KATNIP: variants seen among roughly 807,000 people sequenced by gnomAD.
The protein encoded by KATNIP is katanin interacting protein, also known as katanin-interacting protein.
Under a neutral mutation model 174.0 loss-of-function variants are expected in KATNIP, and 126 were observed. The observed-to-expected ratio is 0.72, with a 90% CI of 0.63 to 0.84. KATNIP has a LOEUF of 0.84. Ranked by LOEUF, KATNIP falls within the 40% of genes least tolerant of loss-of-function variation. The pLI, the probability that KATNIP is intolerant of heterozygous loss-of-function variation, is 0.00. For synonymous variants in KATNIP, 810 were observed against 835.7 expected, an observed-to-expected ratio of 0.97 and a Z score of 0.53; for missense variants, 1,958 against 2,109.7, an observed-to-expected ratio of 0.93 and a Z score of 1.41.
intron 1 of KATNIP, among the ~76,000 whole-genome samples, chr16:27,564,776 C>G: frequency 6.6e-6 from 1 of 151,580 alleles, no homozygotes; most frequent in East Asian, 2.0e-4. Context: ...TGCTTGCTTG[C>G]TTTTTTTTGA....
intron 16 of KATNIP, 28 bp from the exon 17 acceptor site, chr16:27,751,691 C>A (rs768565867): frequency 6.2e-7 from 1 of 1,608,944 alleles, no homozygotes; most frequent in Admixed American, 1.7e-5. Flanking sequence ...AGTGAGTTGA[C>A]CTTTCTGTCA....
intron 6 of KATNIP, among the ~76,000 whole-genome samples, chr16:27,675,816 CCT>C (rs1305992779): frequency 6.6e-6 from 1 of 152,110 alleles, no homozygotes; most frequent in East Asian, 1.9e-4. Context: ...ACAAGGGACT[CCT>C]CTGCAAATCT....
At chr16:27,747,468 G>C (rs530019632) in intron 15 of KATNIP, among the ~76,000 whole-genome samples, 1 of 152,076 alleles carries the variant, frequency 6.6e-6, no homozygotes, top group Non-Finnish European at 1.5e-5. Context: ...TCGTGTTCTC[G>C]GTGTTGGCTT....
intron 5 of KATNIP, among the ~76,000 whole-genome samples, chr16:27,645,897 A>G (rs758671665): frequency 1.6e-4 from 25 of 152,164 alleles, no homozygotes; most frequent in Admixed American, 3.9e-4. Context: ...CCCTAGCTGC[A>G]AGGGCCCCCA....
intron 4 of KATNIP, among the ~76,000 whole-genome samples, chr16:27,630,444 G>A (rs1033840271): frequency 1.3e-5 from 2 of 152,202 alleles, no homozygotes; most frequent in Admixed American, 1.3e-4. Flanking sequence ...GGCAAGAAGA[G>A]AAAATGATTC....
intron 3 of KATNIP, among the ~76,000 whole-genome samples, chr16:27,621,684 C>T (rs146691867): frequency 5.9e-5 from 9 of 151,438 alleles, no homozygotes; most frequent in Non-Finnish European, 1.0e-4. Context: ...ATGGTGCCGC[C>T]ATCTGCTTGG....
rs192915313 is a variant in KATNIP at position 27,664,699 on chromosome 16, C to A, written c.541-13030C>A. 1.9e-4 allele frequency among the ~76,000 whole-genome samples: 29 copies of A among 152,288 alleles called. 1 individual carries two copies. The East Asian group carries it at 4.6e-3, about 24-fold the overall frequency. On this transcript the variant is annotated intron_variant, in intron 6 of 27. Coordinates refer to ENST00000261588, the MANE Select transcript of KATNIP (RefSeq NM_015202.5). The stretch of plus-strand genomic sequence containing the variant: ...GCATTTGTTTTTGCCTTATATATTT[C>A]AAATATCTGTCATTCTTTGCATATA...
chr16:27,677,627 A>G, intron 6 of KATNIP, 102 bp from the exon 7 acceptor site: 1 of 1,188,972 alleles, frequency 8.4e-7, no homozygotes, highest in Non-Finnish European at 1.2e-6. Flanking sequence ...GTTAAATGTT[A>G]GTTTGGGGAG....
intron 1 of KATNIP, among the ~76,000 whole-genome samples, chr16:27,557,879 G>A (rs913115252): frequency 6.6e-6 from 1 of 152,136 alleles, no homozygotes; most frequent in South Asian, 2.1e-4. Context: ...CCTGATTGTG[G>A]TATTTTCTTG....
Position 27,751,798 on chromosome 16 carries a change from G to GT in KATNIP, c.3429dup (p.Asp1144Ter), listed in dbSNP as rs1382611424. ...AGGCCATATTCTATTCTGATGAGAT[G>GT]TTTGACCTGGATGTGGGGAGCCTGG... On this transcript the variant is annotated frameshift_variant, in exon 17 of 28. Transcript: ENST00000261588. LOFTEE classifies it high-confidence loss of function. 6.2e-7 allele frequency: 1 copy of GT among 1,614,112 alleles called. No individual in the cohort carries two copies. Among genetic ancestry groups the GT allele is most frequent in the African/African-American group, 1.3e-5 (1 of 74,940 alleles).
intron 19 of KATNIP, 120 bp from the exon 20 acceptor site, chr16:27,766,189 A>G (rs1200571263): frequency 5.9e-6 from 6 of 1,015,644 alleles, no homozygotes; most frequent in Non-Finnish European, 8.7e-6. Context: ...CAAGCCTGAC[A>G]CAGCCAGGCT....
At chr16:27,750,419 CT>C (rs369243500) in intron 16 of KATNIP, 113 bp downstream of exon 16, 127,630 of 651,198 alleles carry the variant, frequency 0.2, 148 homozygotes, top group East Asian at 0.24. Context: ...CTTTCTCTTT[CT>C]TTTTTTTTTT....
chr16:27,594,668 G>C (rs2075284642), intron 2 of KATNIP, among the ~76,000 whole-genome samples: 1 of 152,052 alleles, frequency 6.6e-6, no homozygotes, highest in African/African-American at 2.4e-5. Context: ...GCCTAGGCTG[G>C]TCTTGAACAC....
intron 21 of KATNIP, among the ~76,000 whole-genome samples, chr16:27,771,126 G>C (rs117970976): frequency 3.3e-5 from 5 of 152,154 alleles, no homozygotes; most frequent in Admixed American, 1.3e-4. Flanking sequence ...CCTGGCTGTC[G>C]GCACAGCGTG....
chr16:27,622,362 T>C (rs2076221646), intron 3 of KATNIP, among the ~76,000 whole-genome samples: 1 of 152,152 alleles, frequency 6.6e-6, no homozygotes, highest in South Asian at 2.1e-4. Context: ...CTTGCCTCAC[T>C]CCTGCAGAAA....
At chr16:27,729,018 G>A (rs1041223086) in intron 14 of KATNIP, among the ~76,000 whole-genome samples, 3 of 152,228 alleles carry the variant, frequency 2.0e-5, no homozygotes, top group Non-Finnish European at 4.4e-5. Flanking sequence ...CTCAGTAGCT[G>A]AGCCTGTTGA....
chr16:27,600,048 C>T (rs1438525529), intron 2 of KATNIP, among the ~76,000 whole-genome samples: 2 of 152,224 alleles, frequency 1.3e-5, no homozygotes, highest in Non-Finnish European at 2.9e-5. Context: ...CCGCCTCCCC[C>T]ACCTTCCGAG....
At chr16:27,691,578 T>C (rs1357303210) in intron 8 of KATNIP, among the ~76,000 whole-genome samples, 1 of 152,138 alleles carries the variant, frequency 6.6e-6, no homozygotes, top group African/African-American at 2.4e-5. Context: ...GTGTGCGGTG[T>C]GAGGGAGTGC....
intron 3 of KATNIP, among the ~76,000 whole-genome samples, chr16:27,621,744 A>G (rs79857829): frequency 0.022 from 3,284 of 151,610 alleles, 136 homozygotes; most frequent in African/African-American, 0.076. Flanking sequence ...AGGCAAAGTG[A>G]AAGCAGGCAC....
Sources: gnomAD v4.1 joint callset for allele counts (sites outside exome capture counted in the v4.1 genomes callset) on GRCh38, gnomAD v4.1.1 for gene constraint, MANE v1.5 for transcripts, NCBI Gene and HGNC (gene_info 2026-07-23, HGNC 2026-07-21) for gene names.